The following TAOK3 variants were observed in gnomAD, a reference collection of about 807,000 sequenced individuals.
TAOK3 encodes the protein TAO kinase 3.
TAOK3 carries 40 observed loss-of-function variants against 120.4 expected under a neutral mutation model. The ratio of observed to expected loss-of-function variants is 0.33; its 90% confidence interval spans 0.26 to 0.43. The LOEUF (loss-of-function observed/expected upper bound fraction) is 0.43, where lower values mean the gene tolerates loss of function less well. TAOK3 is among the 20% of genes least tolerant of loss of function. The pLI, the probability that TAOK3 is intolerant of heterozygous loss-of-function variation, is 1.00. For synonymous variants in TAOK3, 355 were observed against 387.5 expected (o/e 0.92, Z 0.99); for missense variants, 821 against 1,112.1 (o/e 0.74, Z 3.72).
At chr12:118,281,913 C>T (rs910975144) in intron 1 of TAOK3, among the ~76,000 whole-genome samples, 4 of 152,014 alleles carry the variant, frequency 2.6e-5, no homozygotes, top group Non-Finnish European at 5.9e-5. Flanking sequence ...TTTTGATGTA[C>T]ATGTAACAAC....
chr12:118,331,827 A>ATT (rs1279110025), intron 1 of TAOK3, among the ~76,000 whole-genome samples: 4 of 142,158 alleles, frequency 2.8e-5, no homozygotes, highest in Admixed American at 7.1e-5. Flanking sequence ...AAATACATGA[A>ATT]TTTTTTTTTT....
At chr12:118,234,212 A>ATTT (rs763473530) in intron 8 of TAOK3, among the ~76,000 whole-genome samples, 654 of 58,330 alleles carry the variant, frequency 0.011, 107 homozygotes, top group African/African-American at 0.021. Context: ...AAAGCAGGAA[A>ATTT]TTTTTTTTTT....
intron 5 of TAOK3, among the ~76,000 whole-genome samples, chr12:118,240,100 G>A (rs1416284639): frequency 1.3e-5 from 2 of 152,094 alleles, no homozygotes; most frequent in Non-Finnish European, 2.9e-5. Context: ...CTCGAGAGGT[G>A]GAGGCTATCG....
chr12:118,202,383 G>A (rs559328492), intron 11 of TAOK3, among the ~76,000 whole-genome samples: 1 of 152,186 alleles, frequency 6.6e-6, no homozygotes, highest in African/African-American at 2.4e-5. Context: ...TATATAACCA[G>A]CAGGGGGATT....
chr12:118,162,312 G>A (rs2035272249), intron 17 of TAOK3, among the ~76,000 whole-genome samples: 2 of 152,154 alleles, frequency 1.3e-5, no homozygotes, highest in South Asian at 2.1e-4. Context: ...ACCTCACAGA[G>A]CTGCTGTGAA....
intron 14 of TAOK3, 128 bp downstream of exon 14, chr12:118,189,679 G>A (rs2037314842): frequency 3.5e-6 from 4 of 1,153,366 alleles, no homozygotes; most frequent in Non-Finnish European, 4.9e-6. Flanking sequence ...AAATTATTAG[G>A]AGAGAGAAAA....
chr12:118,166,081 T>C (rs995085724), intron 17 of TAOK3, among the ~76,000 whole-genome samples: 2 of 152,226 alleles, frequency 1.3e-5, no homozygotes, highest in Admixed American at 6.5e-5. Context: ...TCAATCCAAA[T>C]TGCCACCCTA....
At chr12:118,307,248 T>C (rs994600013) in intron 1 of TAOK3, among the ~76,000 whole-genome samples, 1 of 151,474 alleles carries the variant, frequency 6.6e-6, no homozygotes, top group Non-Finnish European at 1.5e-5. Flanking sequence ...GGAGTCCTCA[T>C]AGTTTTCTCT....
At position 118,182,208 on chromosome 12, in the gene TAOK3, A is replaced by G. The variant is rs572372152; in HGVS notation, c.1330-601T>C. Reference sequence around the variant, plus strand: ...AAAAAAACAACAACAACAAAAAGAAATTATTTATTCAGTCAAAATATGTTT... The same window carrying G: ...AAAAAAACAACAACAACAAAAAGAAGTTATTTATTCAGTCAAAATATGTTT... On this transcript the variant is annotated intron_variant, in intron 14 of 20. Transcript: ENST00000392533. Among the ~76,000 whole-genome samples the G allele has an allele frequency of 2.6e-5, 4 of 152,164 alleles. No individual in the cohort carries two copies. In the East Asian group the frequency reaches 7.7e-4, roughly 29 times the overall value.
chr12:118,180,810 C>T (rs1354591692), intron 15 of TAOK3, among the ~76,000 whole-genome samples: 1 of 151,944 alleles, frequency 6.6e-6, no homozygotes, highest in Non-Finnish European at 1.5e-5. Flanking sequence ...ACCCAGGCCA[C>T]CATCAAGGGA....
chr12:118,301,717 A>G (rs2042886378), intron 1 of TAOK3, among the ~76,000 whole-genome samples: 1 of 151,718 alleles, frequency 6.6e-6, no homozygotes, highest in Non-Finnish European at 1.5e-5. Context: ...TAGCGCTTGC[A>G]TGTAGTCCCA....
At chr12:118,167,603 T>C (rs2035683144) in intron 17 of TAOK3, among the ~76,000 whole-genome samples, 1 of 151,402 alleles carries the variant, frequency 6.6e-6, no homozygotes, top group Non-Finnish European at 1.5e-5. Context: ...TACAAAACAG[T>C]GGAGTGGACA....
intron 5 of TAOK3, among the ~76,000 whole-genome samples, chr12:118,241,886 G>A (rs558644099): frequency 1.3e-5 from 2 of 152,120 alleles, no homozygotes; most frequent in East Asian, 1.9e-4. Flanking sequence ...CGAGGTGGGC[G>A]GATCACCTGA....
chr12:118,323,829 T>C lies in TAOK3; in HGVS notation c.-194+48819A>G, dbSNP rs112997538. Among the ~76,000 whole-genome samples, 1,360 of 152,288 alleles carry C rather than the reference T, an allele frequency of 8.9e-3. 21 individuals carry two copies. The highest frequency in any genetic ancestry group is 0.032 in the African/African-American group (1,313 of 41,568). ...GGAGCAGGAGAACACAGGGATCTTGTAGGGAGGTCTTCATGAAAAAGATGA... is the reference window on the plus strand; with the variant it reads ...GGAGCAGGAGAACACAGGGATCTTGCAGGGAGGTCTTCATGAAAAAGATGA... On this transcript the variant is annotated intron_variant, in intron 1 of 20. Coordinates refer to ENST00000392533, the MANE Select transcript of TAOK3 (RefSeq NM_016281.4).
chr12:118,247,098 G>A (rs2040548387), intron 3 of TAOK3: 2 of 507,926 alleles, frequency 3.9e-6, no homozygotes, highest in Admixed American at 3.7e-5. Context: ...TGATGGGACA[G>A]TTCTATTTCT....
intron 1 of TAOK3, among the ~76,000 whole-genome samples, chr12:118,331,920 G>C (rs886490272): frequency 6.6e-6 from 1 of 150,992 alleles, no homozygotes; most frequent in African/African-American, 2.4e-5. Context: ...TCCGCCTCCT[G>C]GGTTCAAGCA....
intron 1 of TAOK3, among the ~76,000 whole-genome samples, chr12:118,274,776 G>A (rs933560537): frequency 6.6e-6 from 1 of 151,232 alleles, no homozygotes; most frequent in African/African-American, 2.4e-5. Flanking sequence ...CTACAGGCAC[G>A]TGCGACCACA....
chr12:118,159,784 A>C, intron 19 of TAOK3: 1 of 299,826 alleles, frequency 3.3e-6, no homozygotes, highest in Non-Finnish European at 6.4e-6. Flanking sequence ...TGGGCTCCCT[A>C]AGGGCAGGGA....
intron 12 of TAOK3, chr12:118,199,503 C>T (rs1279352989): frequency 1.9e-6 from 1 of 538,832 alleles, no homozygotes; most frequent in East Asian, 3.3e-5. Context: ...TGCTGCCATC[C>T]CAGGGCTTTC....
Sources: gnomAD v4.1 joint callset for allele counts (sites outside exome capture counted in the v4.1 genomes callset) on GRCh38, gnomAD v4.1.1 for gene constraint, MANE v1.5 for transcripts, NCBI Gene and HGNC (gene_info 2026-07-23, HGNC 2026-07-21) for gene names.